The following SDCBP2 variants were observed in gnomAD, a reference collection of about 807,000 sequenced individuals.
SDCBP2 encodes the protein syndecan binding protein 2, also known as syntenin-2.
A neutral mutation model predicts 30.7 loss-of-function variants in SDCBP2; 28 were observed. The observed-to-expected ratio is 0.91, with a 90% CI of 0.68 to 1.25. The LOEUF (loss-of-function observed/expected upper bound fraction) is 1.25, where lower values mean the gene tolerates loss of function less well. SDCBP2 is among the 50% of genes most tolerant of loss of function. SDCBP2 has a pLI of 0.00. For missense variants in SDCBP2, 399 were observed against 379.0 expected, an observed-to-expected ratio of 1.05 and a Z score of -0.44; for synonymous variants, 166 against 157.3, an observed-to-expected ratio of 1.06 and a Z score of -0.41.
chr20:1,329,047 A>G lies in SDCBP2; in HGVS notation c.-20+38T>C, dbSNP rs753254876. ...GTGAGAGCAGGTCTCACTCATCCCA[A>G]TCCCAGCCAGGATTGGGTCAGGGCC... On this transcript the variant is annotated intron_variant, in intron 1 of 8. Transcript: ENST00000360779. The surrounding 1 kb of genome is among the most constrained non-coding windows in gnomAD (Gnocchi z 4.3). 2.0e-5 allele frequency: 3 copies of G among 152,268 alleles called. No homozygotes were observed. Among genetic ancestry groups the G allele is most frequent in the East Asian group, 1.9e-4 (1 of 5,186 alleles). The allele number at this position is 152,268 out of a possible 1,614,324, so 9.4% of individuals were successfully genotyped here.
At chr20:1,318,445 T>C (rs1568562130) in intron 3 of SDCBP2, 27 bp from the exon 4 acceptor site, 13 of 1,463,640 alleles carry the variant, frequency 8.9e-6, no homozygotes, top group African/African-American at 1.4e-5. Context: ...GAAGAATAAA[T>C]GTGTCATTAG....
At position 1,324,688 on chromosome 20, in the gene SDCBP2, G is replaced by A. The variant is rs2088894964; in HGVS notation, c.-19-4253C>T. ...GAGTTACACTTTGCTCACCATTCTGGAAAATCGCTGCCCACCCTGCTCCCC... is the reference window on the plus strand; with the variant it reads ...GAGTTACACTTTGCTCACCATTCTGAAAAATCGCTGCCCACCCTGCTCCCC... On this transcript the variant is annotated intron_variant, in intron 1 of 8. Transcript: ENST00000360779. This position sits in a 1 kb window ranked among gnomAD's most constrained non-coding sequence, Gnocchi z 4.7. Among the ~76,000 whole-genome samples, 1 of 152,140 alleles carries A rather than the reference G, an allele frequency of 6.6e-6. No individual in the cohort carries two copies. The highest frequency in any genetic ancestry group is 1.5e-5 in the Non-Finnish European group (1 of 68,020).
intron 4 of SDCBP2, among the ~76,000 whole-genome samples, chr20:1,314,405 T>G (rs1316853930): frequency 7.7e-6 from 1 of 130,202 alleles, no homozygotes; most frequent in Non-Finnish European, 1.5e-5. Flanking sequence ...GAGAATTACA[T>G]GAACCCAGGA....
Position 1,320,518 on chromosome 20 carries a change from C to G in SDCBP2, c.-19-83G>C. ...AGGCACAGACATCCGCAACAGCAAG[C>G]GGGTTGGAACTTAATATTCAAACAG... On this transcript the variant is annotated intron_variant, in intron 1 of 8. Transcript: ENST00000360779. This position sits in a 1 kb window ranked among gnomAD's most constrained non-coding sequence, Gnocchi z 4.7. The G allele has an allele frequency of 1.9e-6, 2 of 1,069,780 alleles. No individual in the cohort carries two copies. Among genetic ancestry groups the G allele is most frequent in the Non-Finnish European group, 2.8e-6 (2 of 719,398 alleles). The allele number at this position is 1,069,780 out of a possible 1,614,324, so 66.3% of individuals were successfully genotyped here. A position where few individuals can be genotyped will look rare whatever the true frequency, so the allele number is the denominator to read the frequency against.
Position 1,320,582 on chromosome 20 carries a change from A to C in SDCBP2, c.-19-147T>G. ...CACTTAGAATGCCTCCCCGAACTCC[A>C]CCCCTAATCCCCTGTCGATATTTGA... On this transcript the variant is annotated intron_variant, in intron 1 of 8. Coordinates refer to ENST00000360779, the MANE Select transcript of SDCBP2 (RefSeq NM_080489.5). The surrounding 1 kb of genome is among the most constrained non-coding windows in gnomAD (Gnocchi z 4.7). 1.7e-6 allele frequency: 1 copy of C among 595,300 alleles called. No individual in the cohort carries two copies. The allele number at this position is 595,300 out of a possible 1,614,324, so 36.9% of individuals were successfully genotyped here. A position where few individuals can be genotyped will look rare whatever the true frequency, so the allele number is the denominator to read the frequency against.
rs1164678104 is a variant in SDCBP2, at chr20:1,312,073, AG to A, written c.732+263del. On this transcript the variant is annotated intron_variant, in intron 7 of 8. Coordinates refer to ENST00000360779, the MANE Select transcript of SDCBP2 (RefSeq NM_080489.5). ...CACCACCACGCTTGGCTAATTTTTT[AG>A]TTTTTTTTGTGGAAAGAGGGTTTCA... Among the ~76,000 whole-genome samples, 16 of 11,852 alleles carry A rather than the reference AG, an allele frequency of 1.3e-3. No individual in the cohort carries two copies. In the East Asian group the frequency reaches 0.1, roughly 75 times the overall value. 7.8% of individuals were successfully genotyped at this position (11,852 alleles called of 152,430 possible). A position where few individuals can be genotyped will look rare whatever the true frequency, so the allele number is the denominator to read the frequency against.
rs566204392 is a variant in SDCBP2 at position 1,310,466 on chromosome 20, A to G, written c.854T>C (p.Met285Thr). 6.8e-5 allele frequency: 110 copies of G among 1,613,680 alleles called. 4 individuals carry two copies. In the South Asian group the frequency reaches 9.4e-4, roughly 14 times the overall value. Residue 285 changes from methionine to threonine, a missense_variant, in exon 9 of 9, where the codon ATG (methionine) becomes ACG (threonine). By Grantham distance (81) the Met-to-Thr change is moderately conservative. Transcript: ENST00000360779. ...KLPPVLLHHT[M>T]DHSIPDA ...TCAGGCATCTGGGATGGAGTGGTCCATGGTGTGGTGGAGCAGGACTGGAGG... is the reference window on the plus strand; with the variant it reads ...TCAGGCATCTGGGATGGAGTGGTCCGTGGTGTGGTGGAGCAGGACTGGAGG...
chr20:1,311,388 G>C (rs2088666501), intron 7 of SDCBP2, among the ~76,000 whole-genome samples: 1 of 149,272 alleles, frequency 6.7e-6, no homozygotes, highest in African/African-American at 2.4e-5. Flanking sequence ...TCTTACATTT[G>C]CTTGTTTGAT....
In SDCBP2 at chr20:1,313,215, G is replaced by C. The variant is rs1298737633; in HGVS notation, c.384+125C>G. On this transcript the variant is annotated intron_variant, in intron 5 of 8. Coordinates refer to ENST00000360779, the MANE Select transcript of SDCBP2 (RefSeq NM_080489.5). The surrounding 1 kb of genome is among the most constrained non-coding windows in gnomAD (Gnocchi z 5.2). ...AGGAGGGACTGGGGGCAAGAGCCTG[G>C]CCGCTGGGGTTAGGAGGCCCGCTCT... 1 of 1,035,830 alleles carries C rather than the reference G, an allele frequency of 9.7e-7. No individual in the cohort carries two copies. The highest frequency in any genetic ancestry group is 1.6e-5 in the African/African-American group (1 of 63,430). The allele number at this position is 1,035,830 out of a possible 1,614,324, so 64.2% of individuals were successfully genotyped here. A position where few individuals can be genotyped will look rare whatever the true frequency, so the allele number is the denominator to read the frequency against.
chr20:1,315,577 T>C (rs1384600818), intron 4 of SDCBP2, among the ~76,000 whole-genome samples: 2 of 152,116 alleles, frequency 1.3e-5, no homozygotes, highest in African/African-American at 4.8e-5. Context: ...GGTGCAACCA[T>C]GGCAAAAATA....
At chr20:1,317,189 C>G (rs530396092) in intron 4 of SDCBP2, among the ~76,000 whole-genome samples, 3 of 152,068 alleles carry the variant, frequency 2.0e-5, no homozygotes, top group Admixed American at 1.3e-4. Context: ...TTACATGAAT[C>G]TACACACTGA....
At position 1,319,657 on chromosome 20, in the gene SDCBP2, G is replaced by A; in HGVS notation, c.57C>T (p.Ala19=). The change falls in exon 3 of 9, where the codon GCC becomes GCT. Residue 19 remains alanine (A), a splice_region_variant and synonymous_variant. Coordinates refer to ENST00000360779, the MANE Select transcript of SDCBP2 (RefSeq NM_080489.5). ...EDLKVDQAIQ[A]QVRASPKMPA... is the part of the protein sequence containing the mutation. ...GCATCTTGGGTGAGGCTCTGACCTG[G>A]GCCTGGGGAGGAGCAGGGAGCACTG... 6.4e-7 allele frequency: 1 copy of A among 1,560,702 alleles called. No individual in the cohort carries two copies. Among genetic ancestry groups the A allele is most frequent in the Non-Finnish European group, 8.7e-7 (1 of 1,152,138 alleles).
intron 1 of SDCBP2, among the ~76,000 whole-genome samples, chr20:1,326,669 A>G (rs921970201): frequency 2.0e-5 from 3 of 152,192 alleles, no homozygotes; most frequent in Non-Finnish European, 4.4e-5. Context: ...TTGCCTCTTC[A>G]TCATATATTC....
chr20:1,312,179 TG>T (rs1323241800), intron 7 of SDCBP2, among the ~76,000 whole-genome samples, 157 bp downstream of exon 7: 1 of 152,088 alleles, frequency 6.6e-6, no homozygotes, highest in Non-Finnish European at 1.5e-5. Flanking sequence ...ATTACAGACG[TG>T]AGTCACCGCA....
Position 1,313,175 on chromosome 20 carries a change from G to A in SDCBP2, c.384+165C>T, listed in dbSNP as rs1600276496. The A allele has an allele frequency of 4.0e-6, 3 of 751,518 alleles. No individual in the cohort carries two copies. The highest frequency in any genetic ancestry group is 3.4e-5 in the South Asian group (2 of 57,980). 46.6% of individuals were successfully genotyped at this position (751,518 alleles called of 1,614,324 possible). A position where few individuals can be genotyped will look rare whatever the true frequency, so the allele number is the denominator to read the frequency against. ...CCCTGCGCAACCCAGCACCAGCCCC[G>A]CCCGGGTCTCGGGGAGGAGGGACTG... On this transcript the variant is annotated intron_variant, in intron 5 of 8. Transcript: ENST00000360779. This position sits in a 1 kb window ranked among gnomAD's most constrained non-coding sequence, Gnocchi z 5.2.
intron 4 of SDCBP2, 45 bp downstream of exon 4, chr20:1,318,273 A>T (rs745527684): frequency 1.7e-5 from 22 of 1,298,570 alleles, no homozygotes; most frequent in Non-Finnish European, 3.4e-6. Context: ...AAAAGGGAGG[A>T]TTGGGAGGTT....
Position 1,320,777 on chromosome 20 carries a change from C to A in SDCBP2, c.-19-342G>T, listed in dbSNP as rs2088841110. On this transcript the variant is annotated intron_variant, in intron 1 of 8. Coordinates refer to ENST00000360779, the MANE Select transcript of SDCBP2 (RefSeq NM_080489.5). The surrounding 1 kb of genome is among the most constrained non-coding windows in gnomAD (Gnocchi z 4.7). ...GAGGAGGGAATGGGGGGTGGAGAGGCACCATGAGCACTTATTTACTAAACA... is the reference window on the plus strand; with the variant it reads ...GAGGAGGGAATGGGGGGTGGAGAGGAACCATGAGCACTTATTTACTAAACA... 3 of 182,348 alleles carry A rather than the reference C, an allele frequency of 1.6e-5. No homozygotes were observed. The highest frequency in any genetic ancestry group is 7.0e-5 in the African/African-American group (3 of 42,578). The allele number at this position is 182,348 out of a possible 1,614,324, so 11.3% of individuals were successfully genotyped here. A position where few individuals can be genotyped will look rare whatever the true frequency, so the allele number is the denominator to read the frequency against.
intron 1 of SDCBP2, chr20:1,325,268 C>T (rs953933588): frequency 6.6e-6 from 1 of 152,274 alleles, no homozygotes; most frequent in Non-Finnish European, 1.5e-5. Context: ...GAAGCGACAT[C>T]TTCCGGTTGC....
Position 1,320,035 on chromosome 20 carries a change from A to G in SDCBP2, c.54+328T>C, listed in dbSNP as rs2088831507. Among the ~76,000 whole-genome samples the G allele has an allele frequency of 6.6e-6, 1 of 152,166 alleles. No homozygotes were observed. Among genetic ancestry groups the G allele is most frequent in the African/African-American group, 2.4e-5 (1 of 41,452 alleles). On this transcript the variant is annotated intron_variant, in intron 2 of 8. Transcript: ENST00000360779. This position sits in a 1 kb window ranked among gnomAD's most constrained non-coding sequence, Gnocchi z 4.7. ...GGGCTTCTGGGGGCTAAGCAGACCA[A>G]TGCCTATGCCCACTAGTCTTGTTTC...
Sources: allele counts gnomAD v4.1 joint callset (sites outside exome capture counted in the v4.1 genomes callset), GRCh38; gene constraint gnomAD v4.1.1; non-coding constraint Gnocchi (gnomAD v3.1); transcripts MANE v1.5; gene names NCBI Gene and HGNC (gene_info 2026-07-23, HGNC 2026-07-21).